Variants in DYNC2H1 observed in about 807,000 individuals in gnomAD.
DYNC2H1 encodes the protein cytoplasmic dynein 2 heavy chain 1.
In DYNC2H1, 410 loss-of-function variants were observed where a neutral mutation model predicts 570.0. The observed-to-expected ratio is 0.72, with a 90% CI of 0.66 to 0.78. The LOEUF (loss-of-function observed/expected upper bound fraction) is 0.78. DYNC2H1 is among the 30% of genes least tolerant of loss of function. The pLI, the probability that DYNC2H1 is intolerant of heterozygous loss-of-function variation, is 0.00. For synonymous variants in DYNC2H1, 1,688 were observed against 1,677.6 expected (o/e 1.01, Z -0.15); for missense variants, 4,865 against 5,046.4 (o/e 0.96, Z 1.09).
chr11:103,304,497 G>C, intron 76 of DYNC2H1, 98 bp from the exon 77 acceptor site: 1 of 1,261,846 alleles, frequency 7.9e-7, no homozygotes, highest in Non-Finnish European at 1.0e-6. Flanking sequence ...AGCCAGTTAG[G>C]AAGGTTTAGG....
intron 65 of DYNC2H1, among the ~76,000 whole-genome samples, chr11:103,251,439 C>T (rs1591475547): frequency 6.6e-6 from 1 of 152,048 alleles, no homozygotes; most frequent in South Asian, 2.1e-4. Flanking sequence ...TTAAGATTTA[C>T]AGCATTATAT....
intron 83 of DYNC2H1, among the ~76,000 whole-genome samples, chr11:103,389,348 C>T (rs958624549): frequency 2.6e-5 from 4 of 152,148 alleles, no homozygotes; most frequent in South Asian, 2.1e-4. Context: ...GGTGGTGATA[C>T]CCCCTTTAAC....
chr11:103,180,503 G>T (rs891340402), intron 39 of DYNC2H1, among the ~76,000 whole-genome samples: 1 of 151,564 alleles, frequency 6.6e-6, no homozygotes, highest in Non-Finnish European at 1.5e-5. Flanking sequence ...TTTGTGAAAG[G>T]CATAATGAAT....
intron 75 of DYNC2H1, 40 bp from the exon 76 acceptor site, chr11:103,303,053 A>G: frequency 7.4e-7 from 1 of 1,350,086 alleles, no homozygotes; most frequent in Non-Finnish European, 9.7e-7. Context: ...TTAATAATGC[A>G]TACTGCTTTT....
chr11:103,215,867 T>G lies in DYNC2H1; in HGVS notation c.8832+9T>G. The G allele has an allele frequency of 6.2e-7, 1 of 1,607,018 alleles. No individual in the cohort carries two copies. Among genetic ancestry groups the G allele is most frequent in the Non-Finnish European group, 8.5e-7 (1 of 1,177,210 alleles). On this transcript the variant is annotated intron_variant, in intron 55 of 88. Coordinates refer to ENST00000375735, the MANE Select transcript of DYNC2H1 (RefSeq NM_001377.3). ...TCACAGTGTCAATGCAGGTAATGTT[T>G]AGAGTGACCACAAAAATGAAAACAA... is the stretch of plus-strand genomic sequence containing the variant.
chr11:103,248,970 G>C (rs1360500339), intron 65 of DYNC2H1, among the ~76,000 whole-genome samples: 1 of 151,982 alleles, frequency 6.6e-6, no homozygotes, highest in Admixed American at 6.6e-5. Flanking sequence ...CCCTGGAAAG[G>C]ACCCAGAGAC....
At chr11:103,298,474 G>T (rs1162183913) in intron 75 of DYNC2H1, among the ~76,000 whole-genome samples, 4 of 151,940 alleles carry the variant, frequency 2.6e-5, no homozygotes, top group Non-Finnish European at 5.9e-5. Flanking sequence ...CAGGTCAAAT[G>T]ACATTCAAGG....
intron 63 of DYNC2H1, among the ~76,000 whole-genome samples, chr11:103,242,376 A>C (rs1453534141): frequency 2.6e-5 from 4 of 152,156 alleles, no homozygotes; most frequent in Non-Finnish European, 5.9e-5. Context: ...CTGTCAGAAT[A>C]TCTTATTATA....
At chr11:103,150,955 A>G (rs143456145) in intron 20 of DYNC2H1, among the ~76,000 whole-genome samples, 2,185 of 152,232 alleles carry the variant, frequency 0.014, 18 homozygotes, top group Non-Finnish European at 0.019. Context: ...GGGACCTTAG[A>G]ATCTCATATT....
chr11:103,192,280 T>C lies in DYNC2H1; in HGVS notation c.7708+16T>C. ...AATATGTCAGGTAAGGTAATAGAGC[T>C]TATGCAAATACATAACTATTACAAG... On this transcript the variant is annotated intron_variant, in intron 47 of 88. Coordinates refer to ENST00000375735, the MANE Select transcript of DYNC2H1 (RefSeq NM_001377.3). 1.4e-6 allele frequency: 2 copies of C among 1,469,946 alleles called. 1 individual carries two copies. The highest frequency in any genetic ancestry group is 4.0e-4 in the Middle Eastern group (2 of 5,008). The allele number at this position is 1,469,946 out of a possible 1,614,324, so 91.1% of individuals were successfully genotyped here. A position where few individuals can be genotyped will look rare whatever the true frequency, so the allele number is the denominator to read the frequency against.
chr11:103,316,406 G>T, intron 79 of DYNC2H1, 139 bp from the exon 80 acceptor site: 1 of 547,298 alleles, frequency 1.8e-6, no homozygotes, highest in Non-Finnish European at 3.1e-6. Context: ...GATTTATTAT[G>T]TGTTGGTTTT....
rs17100052 is a variant in DYNC2H1, at chr11:103,188,903, A to G, written c.7292+255A>G. Among the ~76,000 whole-genome samples the G allele has an allele frequency of 0.021, 3,135 of 152,178 alleles. 107 individuals are homozygous for G. The highest frequency in any genetic ancestry group is 0.071 in the African/African-American group (2,956 of 41,534). On this transcript the variant is annotated intron_variant, in intron 44 of 88. Transcript: ENST00000375735. ...ACTGTTTTGTGTAGTCTGTGTTCCAAAATGTCAATCTCAGGAGTCTGAATG... is the reference window on the plus strand; with the variant it reads ...ACTGTTTTGTGTAGTCTGTGTTCCAGAATGTCAATCTCAGGAGTCTGAATG...
chr11:103,122,342 C>T (rs1314681277), intron 10 of DYNC2H1, among the ~76,000 whole-genome samples: 1 of 152,168 alleles, frequency 6.6e-6, no homozygotes, highest in Non-Finnish European at 1.5e-5. Flanking sequence ...ATGTTTCTGT[C>T]AGTCAGTTTT....
intron 84 of DYNC2H1, chr11:103,406,434 G>T (rs186385173): frequency 2.0e-4 from 31 of 152,000 alleles, no homozygotes; most frequent in African/African-American, 7.2e-4. Flanking sequence ...AATAAGACTT[G>T]TTTTTTGTAA....
intron 84 of DYNC2H1, chr11:103,407,388 A>C: frequency 8.3e-6 from 1 of 120,782 alleles, no homozygotes; most frequent in East Asian, 2.5e-4. Flanking sequence ...TCTAGAAATA[A>C]GAGGATTTAA....
chr11:103,117,114 ATTGT>A (rs918047246), intron 5 of DYNC2H1, among the ~76,000 whole-genome samples: 5 of 149,680 alleles, frequency 3.3e-5, no homozygotes, highest in Non-Finnish European at 7.4e-5. Flanking sequence ...TTATTGCAGC[ATTGT>A]TTGTGATGAG....
At chr11:103,360,100 A>T (rs1304019113) in intron 83 of DYNC2H1, among the ~76,000 whole-genome samples, 1 of 151,836 alleles carries the variant, frequency 6.6e-6, no homozygotes, top group Non-Finnish European at 1.5e-5. Context: ...GTACAATATC[A>T]TAGGAACATT....
At position 103,386,450 on chromosome 11, in the gene DYNC2H1, C is replaced by CCA. The variant is rs111771901; in HGVS notation, c.12157-13196_12157-13195dup. On this transcript the variant is annotated intron_variant, in intron 83 of 88. Coordinates refer to ENST00000375735, the MANE Select transcript of DYNC2H1 (RefSeq NM_001377.3). ...GGCTCTCCTCATACTTTAAAACACACCACACACACACACACACAAAAGTAT... is the reference window on the plus strand; with the variant it reads ...GGCTCTCCTCATACTTTAAAACACACCACACACACACACACACACAAAAGTAT... 3.3e-3 allele frequency among the ~76,000 whole-genome samples: 497 copies of CCA among 150,812 alleles called. 4 individuals carry two copies. Among genetic ancestry groups the CCA allele is most frequent in the African/African-American group, 9.6e-3 (396 of 41,116 alleles).
chr11:103,176,201 TAATA>T (rs1391232076), intron 36 of DYNC2H1, 30 bp from the exon 37 acceptor site: 18 of 1,429,918 alleles, frequency 1.3e-5, no homozygotes, highest in African/African-American at 7.4e-5. Context: ...ATTAAAGTAA[TAATA>T]AATAATTTTA....
Sources: gnomAD v4.1 joint callset for allele counts (sites outside exome capture counted in the v4.1 genomes callset) on GRCh38, gnomAD v4.1.1 for gene constraint, MANE v1.5 for transcripts, NCBI Gene and HGNC (gene_info 2026-07-23, HGNC 2026-07-21) for gene names.